Variants in PRUNE2 observed in about 807,000 individuals in gnomAD.
PRUNE2 encodes protein prune homolog 2.
In PRUNE2, 164 loss-of-function variants were observed where a neutral mutation model predicts 252.0. That is an observed-to-expected ratio of 0.65 (90% CI 0.57 to 0.74). The LOEUF (loss-of-function observed/expected upper bound fraction) is 0.74, where lower values mean the gene tolerates loss of function less well. Among genes scored for constraint, PRUNE2 ranks in the 30% least tolerant of loss-of-function variants. PRUNE2 has a pLI of 0.00. For synonymous variants in PRUNE2, 1,292 were observed against 1,350.2 expected (o/e 0.96, Z 0.94); for missense variants, 3,495 against 3,711.0 (o/e 0.94, Z 1.51).
At chr9:76,766,283 G>A (rs1248811509) in intron 6 of PRUNE2, among the ~76,000 whole-genome samples, 2 of 151,856 alleles carry the variant, frequency 1.3e-5, no homozygotes, top group Non-Finnish European at 2.9e-5. Flanking sequence ...AAAGCTTCAG[G>A]GGATACCATA....
At position 76,710,071 on chromosome 9, in the gene PRUNE2, C is replaced by T. The variant is rs372681786; in HGVS notation, c.2203G>A (p.Glu735Lys). Residue 735 changes from glutamate to lysine, a missense_variant, in exon 8 of 19, where the codon GAG (glutamate) becomes AAG (lysine). Physicochemically the swap from Glu to Lys is moderately conservative, Grantham distance 56. Coordinates refer to ENST00000376718, the MANE Select transcript of PRUNE2 (RefSeq NM_015225.3). ...LGSNDIQDKN[E>K]ESLPFQNLPM... ...AGGTTCTGGAACGGCAAGCTTTCCTCATTTTTGTCTTGAATATCATTGCTA... is the reference window on the plus strand; with the variant it reads ...AGGTTCTGGAACGGCAAGCTTTCCTTATTTTTGTCTTGAATATCATTGCTA... The T allele has an allele frequency of 3.7e-6, 6 of 1,613,834 alleles. No homozygotes were observed. In the African/African-American group the frequency reaches 4.0e-5, roughly 11 times the overall value.
chr9:76,639,880 T>C (rs113395181), intron 12 of PRUNE2, among the ~76,000 whole-genome samples: 2,212 of 152,260 alleles, frequency 0.015, 47 homozygotes, highest in African/African-American at 0.049. Flanking sequence ...TTCCCCATCT[T>C]TTGAAAGCTC....
At chr9:76,798,196 GT>G (rs1390414290) in intron 6 of PRUNE2, among the ~76,000 whole-genome samples, 1 of 152,124 alleles carries the variant, frequency 6.6e-6, no homozygotes, top group Non-Finnish European at 1.5e-5. Context: ...TAGTTCAGAA[GT>G]ATTAAGTATA....
At chr9:76,890,709 G>A (rs547781752) in intron 1 of PRUNE2, among the ~76,000 whole-genome samples, 1 of 152,052 alleles carries the variant, frequency 6.6e-6, no homozygotes, top group Non-Finnish European at 1.5e-5. Flanking sequence ...CACGGGGTCT[G>A]TAAAGGAATT....
chr9:76,897,268 CAGG>C (rs1489783149), intron 1 of PRUNE2, among the ~76,000 whole-genome samples: 1 of 151,932 alleles, frequency 6.6e-6, no homozygotes, highest in African/African-American at 2.4e-5. Context: ...TGAAATGTTC[CAGG>C]AGATCTTGGG....
Position 76,612,844 on chromosome 9 carries a change from T to G in PRUNE2, c.*1726A>C, listed in dbSNP as rs998585307. ...GCAAAGATGTCGACTTTAAAGTAGT[T>G]ACAAGCTCCTTCTACCCAGGACTCC... On this transcript the variant is annotated 3_prime_UTR_variant, in exon 19 of 19. Coordinates refer to ENST00000376718, the MANE Select transcript of PRUNE2 (RefSeq NM_015225.3). The G allele has an allele frequency of 6.6e-6, 1 of 152,196 alleles. No homozygotes were observed. The highest frequency in any genetic ancestry group is 2.4e-5 in the African/African-American group (1 of 41,436). 9.4% of individuals were successfully genotyped at this position (152,196 alleles called of 1,614,324 possible).
At chr9:76,702,140 A>C (rs978893891) in intron 9 of PRUNE2, among the ~76,000 whole-genome samples, 21 of 151,268 alleles carry the variant, frequency 1.4e-4, no homozygotes, top group African/African-American at 5.1e-4. Context: ...GCTCACTGCA[A>C]CCTCCACCTC....
chr9:76,815,364 T>C (rs1478560140), intron 6 of PRUNE2, among the ~76,000 whole-genome samples: 2 of 152,230 alleles, frequency 1.3e-5, no homozygotes, highest in Non-Finnish European at 2.9e-5. Context: ...TTATTTCTTA[T>C]AGTTCTAGAG....
chr9:76,702,223 A>C (rs1192219975), intron 9 of PRUNE2, among the ~76,000 whole-genome samples: 1 of 151,900 alleles, frequency 6.6e-6, no homozygotes, highest in Non-Finnish European at 1.5e-5. Context: ...CACCCCAGCT[A>C]AGTTTTGAAT....
At chr9:76,725,498 T>TG (rs1215163988) in intron 6 of PRUNE2, among the ~76,000 whole-genome samples, 2 of 152,306 alleles carry the variant, frequency 1.3e-5, no homozygotes, top group East Asian at 3.9e-4. Flanking sequence ...CAAGCTTAAG[T>TG]GGGGAATATG....
At chr9:76,812,264 T>C (rs2057404926) in intron 6 of PRUNE2, among the ~76,000 whole-genome samples, 1 of 152,226 alleles carries the variant, frequency 6.6e-6, no homozygotes, top group African/African-American at 2.4e-5. Flanking sequence ...CTATGGTGGC[T>C]GTGATGTTTT....
chr9:76,799,240 C>T (rs1172180995), intron 6 of PRUNE2, among the ~76,000 whole-genome samples: 2 of 151,494 alleles, frequency 1.3e-5, no homozygotes, highest in East Asian at 3.9e-4. Context: ...ACTCCAAAGG[C>T]TGAGGCAGGA....
At chr9:76,744,978 G>C (rs961562021) in intron 6 of PRUNE2, among the ~76,000 whole-genome samples, 1 of 152,180 alleles carries the variant, frequency 6.6e-6, no homozygotes, top group Non-Finnish European at 1.5e-5. Context: ...TCAAGCCCTA[G>C]ACTTTCCCCA....
At chr9:76,637,025 T>C (rs1215864927) in intron 14 of PRUNE2, among the ~76,000 whole-genome samples, 1 of 146,416 alleles carries the variant, frequency 6.8e-6, no homozygotes, top group Admixed American at 6.9e-5. Context: ...TTTTAGGGAG[T>C]TCTATGCAAG....
chr9:76,713,823 T>G, intron 6 of PRUNE2, 102 bp from the exon 7 acceptor site: 1 of 737,240 alleles, frequency 1.4e-6, no homozygotes, highest in Non-Finnish European at 2.1e-6. Context: ...AGGAGAGATA[T>G]TTATTATTTA....
intron 6 of PRUNE2, chr9:76,785,144 A>G (rs1287474595): frequency 6.6e-6 from 1 of 152,136 alleles, no homozygotes; most frequent in Non-Finnish European, 1.5e-5. Context: ...CCTCCCATGC[A>G]CCTAAACAAA....
intron 4 of PRUNE2, among the ~76,000 whole-genome samples, chr9:76,840,796 C>T (rs1278757298): frequency 6.6e-6 from 1 of 152,172 alleles, no homozygotes; most frequent in Non-Finnish European, 1.5e-5. Flanking sequence ...GCCTGGCCAA[C>T]ATGGCGAAAC....
chr9:76,902,372 A>C (rs1476843964), intron 1 of PRUNE2, among the ~76,000 whole-genome samples: 3 of 152,184 alleles, frequency 2.0e-5, no homozygotes, highest in African/African-American at 7.2e-5. Context: ...AAACTTAAGG[A>C]CTGATCTGGA....
chr9:76,905,862 T>C (rs1589871199), intron 1 of PRUNE2, 66 bp downstream of exon 1: 3 of 1,601,824 alleles, frequency 1.9e-6, no homozygotes, highest in East Asian at 2.2e-5. Context: ...GCAACACCTT[T>C]TCCTCTCCAC....
Sources: gnomAD v4.1 joint callset for allele counts (sites outside exome capture counted in the v4.1 genomes callset) on GRCh38, gnomAD v4.1.1 for gene constraint, MANE v1.5 for transcripts, NCBI Gene and HGNC (gene_info 2026-07-23, HGNC 2026-07-21) for gene names.